Variants in PEBP4 observed in about 807,000 individuals in gnomAD.
PEBP4 encodes phosphatidylethanolamine binding protein 4.
In PEBP4, 22 loss-of-function variants were observed where a neutral mutation model predicts 23.9. The observed-to-expected ratio is 0.92, with a 90% CI of 0.66 to 1.31. The LOEUF (loss-of-function observed/expected upper bound fraction) is 1.31, where lower values mean the gene tolerates loss of function less well. Ranked by LOEUF, PEBP4 falls within the 40% of genes most tolerant of loss-of-function variation. The probability of loss-of-function intolerance (pLI) is 0.00; values close to 1 mark genes in which losing one functional copy is unlikely to be tolerated. For synonymous variants in PEBP4, 112 were observed against 99.3 expected, an observed-to-expected ratio of 1.13 and a Z score of -0.76; for missense variants, 324 against 281.7, an observed-to-expected ratio of 1.15 and a Z score of -1.07.
At chr8:22,909,926 G>T (rs1257079967) in intron 3 of PEBP4, among the ~76,000 whole-genome samples, 5 of 152,242 alleles carry the variant, frequency 3.3e-5, no homozygotes, top group African/African-American at 1.2e-4. Flanking sequence ...GGACCAGAGG[G>T]CTGGAGTGGG....
At chr8:22,939,872 C>A (rs1809585781) in intron 1 of PEBP4, among the ~76,000 whole-genome samples, 1 of 152,180 alleles carries the variant, frequency 6.6e-6, no homozygotes, top group African/African-American at 2.4e-5. Context: ...ACAAATTCTT[C>A]TTTTAGGTAG....
intron 3 of PEBP4, among the ~76,000 whole-genome samples, chr8:22,819,822 G>T (rs1372725236): frequency 1.3e-5 from 2 of 152,116 alleles, no homozygotes; most frequent in East Asian, 1.9e-4. Context: ...TAGCCAGGAT[G>T]GTCTCGATCT....
chr8:22,922,186 G>A (rs900535113), intron 2 of PEBP4, among the ~76,000 whole-genome samples: 4 of 152,194 alleles, frequency 2.6e-5, no homozygotes, highest in Admixed American at 1.3e-4. Context: ...TGCCAGGCCA[G>A]CGTTTGAACA....
At chr8:22,847,578 T>C (rs1052035697) in intron 3 of PEBP4, among the ~76,000 whole-genome samples, 9 of 152,160 alleles carry the variant, frequency 5.9e-5, no homozygotes, top group Non-Finnish European at 2.9e-5. Flanking sequence ...CCTCTGCTTC[T>C]CATATGCTTT....
At chr8:22,738,843 ACACT>A (rs1043151998) in intron 4 of PEBP4, among the ~76,000 whole-genome samples, 3 of 152,012 alleles carry the variant, frequency 2.0e-5, no homozygotes, top group African/African-American at 7.3e-5. Flanking sequence ...ACATGCACAG[ACACT>A]CACATGCACA....
At chr8:22,902,513 T>C (rs574774210) in intron 3 of PEBP4, among the ~76,000 whole-genome samples, 32 of 152,186 alleles carry the variant, frequency 2.1e-4, no homozygotes, top group Non-Finnish European at 3.7e-4. Context: ...AAGCCCCATG[T>C]TGCTTCATGT....
intron 4 of PEBP4, among the ~76,000 whole-genome samples, chr8:22,737,294 C>CAAAAAAAAAAAA (rs11302571): frequency 1.5e-5 from 1 of 65,498 alleles, no homozygotes; most frequent in African/African-American, 5.5e-5. Flanking sequence ...GACTCCGTCT[C>CAAAAAAAAAAAA]AAAAAAAAAA....
At chr8:22,911,942 T>G (rs990019142) in intron 3 of PEBP4, among the ~76,000 whole-genome samples, 2 of 152,110 alleles carry the variant, frequency 1.3e-5, no homozygotes, top group African/African-American at 4.8e-5. Context: ...GCTGGGAGCT[T>G]TCAGTGGATG....
At chr8:22,866,934 A>T (rs1043817830) in intron 3 of PEBP4, among the ~76,000 whole-genome samples, 3 of 152,052 alleles carry the variant, frequency 2.0e-5, no homozygotes, top group Non-Finnish European at 4.4e-5. Context: ...GGGGAAGGGG[A>T]CCCCAGGAAG....
At chr8:22,850,773 G>GCA (rs1312226003) in intron 3 of PEBP4, among the ~76,000 whole-genome samples, 1 of 152,206 alleles carries the variant, frequency 6.6e-6, no homozygotes, top group Non-Finnish European at 1.5e-5. Context: ...GAAGACTGCT[G>GCA]CATATAGTCA....
chr8:22,800,898 G>A (rs567055220), intron 4 of PEBP4, among the ~76,000 whole-genome samples: 2 of 152,142 alleles, frequency 1.3e-5, no homozygotes, highest in African/African-American at 4.8e-5. Context: ...GGCTGCCTTT[G>A]CCTCAAGAGA....
chr8:22,910,369 G>A (rs538855112), intron 3 of PEBP4, among the ~76,000 whole-genome samples: 20 of 152,374 alleles, frequency 1.3e-4, no homozygotes, highest in East Asian at 7.7e-4. Flanking sequence ...ATCTCCCTGC[G>A]TGGGATCTGC....
intron 3 of PEBP4, among the ~76,000 whole-genome samples, chr8:22,839,819 T>C (rs377490370): frequency 6.6e-6 from 1 of 152,154 alleles, no homozygotes; most frequent in East Asian, 1.9e-4. Context: ...CATCTCATCC[T>C]GTGAGGCTGA....
chr8:22,878,223 G>GGAGAGGGA (rs1808167623), intron 3 of PEBP4: 2 of 149,616 alleles, frequency 1.3e-5, no homozygotes, highest in Non-Finnish European at 3.0e-5. Context: ...AGAGGGAGGG[G>GGAGAGGGA]GAGAGGGAGG....
chr8:22,762,769 A>G (rs927629401), intron 4 of PEBP4, among the ~76,000 whole-genome samples: 6 of 152,142 alleles, frequency 3.9e-5, no homozygotes, highest in Non-Finnish European at 8.8e-5. Context: ...CTTGGGGTTG[A>G]AGGCATCAGA....
intron 3 of PEBP4, among the ~76,000 whole-genome samples, chr8:22,836,503 A>G (rs1030348639): frequency 6.6e-6 from 1 of 152,358 alleles, no homozygotes; most frequent in African/African-American, 2.4e-5. Flanking sequence ...GGCATCTCCG[A>G]ATCAAGTGCC....
intron 2 of PEBP4, among the ~76,000 whole-genome samples, chr8:22,922,537 C>A (rs1054843288): frequency 6.7e-6 from 1 of 149,736 alleles, no homozygotes; most frequent in African/African-American, 2.5e-5. Flanking sequence ...CCAGCCTAGG[C>A]AACATAGTGA....
intron 4 of PEBP4, among the ~76,000 whole-genome samples, chr8:22,796,257 CGT>C (rs34887072): frequency 0.18 from 27,367 of 149,604 alleles, 2,513 homozygotes; most frequent in Non-Finnish European, 0.21. Context: ...CTCAAGTGTG[CGT>C]GTGTGTGTGT....
rs138264727 is a variant in PEBP4, at chr8:22,787,014, G to C, written c.357+30623C>G. Among the ~76,000 whole-genome samples, 771 of 152,166 alleles carry C rather than the reference G, an allele frequency of 5.1e-3. 7 individuals carry two copies. Among genetic ancestry groups the C allele is most frequent in the African/African-American group, 0.018 (732 of 41,500 alleles). On this transcript the variant is annotated intron_variant, in intron 4 of 6. Transcript: ENST00000256404. ...TAAAAAATTTTTTTTGTAGAGACAG[G>C]GTCTCTCTGTGTTGCCCAGGCTGGT...
Sources: gnomAD v4.1 joint callset for allele counts (sites outside exome capture counted in the v4.1 genomes callset) on GRCh38, gnomAD v4.1.1 for gene constraint, MANE v1.5 for transcripts, NCBI Gene and HGNC (gene_info 2026-07-23, HGNC 2026-07-21) for gene names.